The following CTNNA2 variants were observed in gnomAD, a reference collection of about 807,000 sequenced individuals.
CTNNA2 encodes catenin alpha 2, also known as catenin alpha-2.
Under a neutral mutation model 101.0 loss-of-function variants are expected in CTNNA2, and 42 were observed. The ratio of observed to expected loss-of-function variants is 0.42; its 90% CI spans 0.32 to 0.54. The LOEUF (loss-of-function observed/expected upper bound fraction) is 0.54, where lower values mean the gene tolerates loss of function less well. Among genes scored for constraint, CTNNA2 ranks in the 20% least tolerant of loss-of-function variants. CTNNA2 has a pLI of 0.14. For synonymous variants in CTNNA2, 450 were observed against 456.4 expected, an observed-to-expected ratio of 0.99 and a Z score of 0.18; for missense variants, 871 against 1,223.1, an observed-to-expected ratio of 0.71 and a Z score of 4.29.
chr2:80,611,371 AAGAG>A (rs1006475776), intron 17 of CTNNA2, among the ~76,000 whole-genome samples: 2 of 148,440 alleles, frequency 1.3e-5, no homozygotes, highest in African/African-American at 2.5e-5. Context: ...AGAAAAAAGA[AAGAG>A]AAAGTTAAAG....
chr2:80,167,637 T>G (rs1316847475), intron 7 of CTNNA2, among the ~76,000 whole-genome samples: 2 of 152,242 alleles, frequency 1.3e-5, no homozygotes, highest in Non-Finnish European at 2.9e-5. Flanking sequence ...AACCAAAATT[T>G]GCTTAAGCAA....
intron 4 of CTNNA2, among the ~76,000 whole-genome samples, chr2:79,406,299 A>T (rs1678341197): frequency 6.6e-6 from 1 of 151,694 alleles, no homozygotes; most frequent in Admixed American, 6.6e-5. Flanking sequence ...ACCCAGAGCC[A>T]ACTTTATTTA....
chr2:80,248,547 G>C (rs1671518144), intron 7 of CTNNA2, among the ~76,000 whole-genome samples: 1 of 152,138 alleles, frequency 6.6e-6, no homozygotes, highest in Admixed American at 6.5e-5. Flanking sequence ...TTTCATCATA[G>C]TTATTAAAAA....
At chr2:80,301,713 C>T (rs1356379627) in intron 7 of CTNNA2, among the ~76,000 whole-genome samples, 1 of 152,110 alleles carries the variant, frequency 6.6e-6, no homozygotes, top group East Asian at 1.9e-4. Flanking sequence ...ATCTGATAAG[C>T]TTTCTTTGCC....
intron 7 of CTNNA2, among the ~76,000 whole-genome samples, chr2:79,912,560 T>C (rs1685883405): frequency 6.6e-6 from 1 of 152,220 alleles, no homozygotes; most frequent in Non-Finnish European, 1.5e-5. Context: ...GTGAAAATCA[T>C]CACAGATCAT....
chr2:79,716,408 A>G (rs933376833), intron 2 of CTNNA2, among the ~76,000 whole-genome samples: 3 of 152,156 alleles, frequency 2.0e-5, no homozygotes, highest in African/African-American at 7.2e-5. Flanking sequence ...CCTGGCATCC[A>G]TTAGCTATGT....
rs151081998 is a variant in CTNNA2, at chr2:79,485,980, G to A, written c.-134-19074G>A. On this transcript the variant is annotated intron_variant, in intron 4 of 21. Coordinates refer to the CTNNA2 transcript ENST00000466387. The stretch of plus-strand genomic sequence containing the variant: ...ATGACCATCGTGTAAGTGGAGAGTA[G>A]AATCATTTTTGGCCATGAGAAGTTG... Among the ~76,000 whole-genome samples, 3 of 152,244 alleles carry A rather than the reference G, an allele frequency of 2.0e-5. No individual in the cohort carries two copies. In the East Asian group the frequency reaches 5.8e-4, roughly 29 times the overall value.
At chr2:80,494,501 A>ATT (rs995320219) in intron 9 of CTNNA2, among the ~76,000 whole-genome samples, 1 of 151,694 alleles carries the variant, frequency 6.6e-6, no homozygotes, top group Non-Finnish European at 1.5e-5. Flanking sequence ...CTATACATAG[A>ATT]TTTTTTTTTC....
chr2:79,287,056 G>C (rs1008367208), intron 2 of CTNNA2, among the ~76,000 whole-genome samples: 8 of 152,078 alleles, frequency 5.3e-5, no homozygotes, highest in Non-Finnish European at 1.0e-4. Flanking sequence ...ATCAGCTCCT[G>C]AGACTTCTGC....
intron 7 of CTNNA2, among the ~76,000 whole-genome samples, chr2:80,111,571 C>T (rs1701210690): frequency 1.3e-5 from 2 of 152,132 alleles, no homozygotes; most frequent in South Asian, 2.1e-4. Flanking sequence ...CAGGATCTAG[C>T]TTCTGTTGCC....
chr2:80,257,267 ATATAG>A (rs1037291063), intron 7 of CTNNA2, among the ~76,000 whole-genome samples: 1 of 151,714 alleles, frequency 6.6e-6, no homozygotes, highest in African/African-American at 2.4e-5. Flanking sequence ...ACATATAAAT[ATATAG>A]TATATAATCA....
chr2:79,305,373 CATAT>C (rs56285145), intron 2 of CTNNA2, among the ~76,000 whole-genome samples: 3 of 138,244 alleles, frequency 2.2e-5, no homozygotes, highest in Non-Finnish European at 3.2e-5. Flanking sequence ...TATATATACA[CATAT>C]ATATATATAT....
intron 8 of CTNNA2, among the ~76,000 whole-genome samples, chr2:80,408,098 C>G (rs1391080753): frequency 2.0e-5 from 3 of 152,148 alleles, no homozygotes; most frequent in Non-Finnish European, 2.9e-5. Flanking sequence ...TCTTATTCCC[C>G]CAAGTTACCC....
At chr2:79,326,313 A>AGT (rs1280889774) in intron 3 of CTNNA2, among the ~76,000 whole-genome samples, 22,925 of 151,834 alleles carry the variant, frequency 0.15, 1,807 homozygotes, top group East Asian at 0.17. Context: ...AAAAAAAAAA[A>AGT]ACCAGACATC....
At chr2:80,516,283 A>G (rs1689103696) in intron 9 of CTNNA2, among the ~76,000 whole-genome samples, 1 of 152,202 alleles carries the variant, frequency 6.6e-6, no homozygotes. Context: ...AGAGAGATGG[A>G]AGATAACAGA....
At chr2:80,237,504 C>T (rs576633451) in intron 7 of CTNNA2, among the ~76,000 whole-genome samples, 9 of 152,026 alleles carry the variant, frequency 5.9e-5, no homozygotes, top group Non-Finnish European at 1.0e-4. Context: ...TGTGTTTTCT[C>T]AGTGGTGGTT....
At chr2:79,570,385 A>G (rs1223699598) in intron 1 of CTNNA2, among the ~76,000 whole-genome samples, 1 of 152,122 alleles carries the variant, frequency 6.6e-6, no homozygotes, top group Non-Finnish European at 1.5e-5. Flanking sequence ...TTTCTGGGAT[A>G]TATGATGAAA....
chr2:79,570,900 ATCCAAAC>A (rs1215561921), intron 1 of CTNNA2, among the ~76,000 whole-genome samples: 5 of 152,200 alleles, frequency 3.3e-5, no homozygotes, highest in African/African-American at 1.2e-4. Flanking sequence ...AATATGAAAC[ATCCAAAC>A]TCCAAAGTAT....
intron 7 of CTNNA2, among the ~76,000 whole-genome samples, chr2:80,032,903 A>G (rs1695384507): frequency 6.6e-6 from 1 of 152,134 alleles, no homozygotes; most frequent in Non-Finnish European, 1.5e-5. Context: ...CTGTAATCCT[A>G]TCACTTTGGG....
Sources: gnomAD v4.1 joint callset for allele counts (sites outside exome capture counted in the v4.1 genomes callset) on GRCh38, gnomAD v4.1.1 for gene constraint, MANE v1.5 for transcripts, NCBI Gene and HGNC (gene_info 2026-07-23, HGNC 2026-07-21) for gene names.